The following GINS4 variants were observed in gnomAD, a reference collection of about 807,000 sequenced individuals.
GINS4 encodes DNA replication complex GINS protein SLD5.
In GINS4, 20 loss-of-function variants were observed where a neutral mutation model predicts 31.1. The observed-to-expected ratio is 0.64, with a 90% CI of 0.45 to 0.93. The LOEUF is 0.93. Ranked by LOEUF, GINS4 falls within the 40% of genes least tolerant of loss-of-function variation. The pLI is 0.00. For synonymous variants in GINS4, 85 were observed against 97.9 expected (o/e 0.87, Z 0.78); for missense variants, 245 against 273.9 (o/e 0.89, Z 0.75).
At chr8:41,530,553 G>A (rs1806634258) in intron 2 of GINS4, among the ~76,000 whole-genome samples, 1 of 152,198 alleles carries the variant, frequency 6.6e-6, no homozygotes, top group South Asian at 2.1e-4. Flanking sequence ...AGTTCACAGA[G>A]CAAGGATCCA....
intron 2 of GINS4, among the ~76,000 whole-genome samples, chr8:41,532,416 C>T (rs531200297): frequency 1.4e-4 from 21 of 152,278 alleles, no homozygotes; most frequent in Admixed American, 3.9e-4. Flanking sequence ...AGCAGCTGAG[C>T]GCAGTGGCTC....
chr8:41,537,554 G>C, intron 4 of GINS4: 3 of 382,206 alleles, frequency 7.8e-6, no homozygotes, highest in Non-Finnish European at 1.4e-5. Context: ...TCCCCCTTGC[G>C]TTACAGCATG....
chr8:41,534,525 C>T (rs1806707934), intron 2 of GINS4: 1 of 177,724 alleles, frequency 5.6e-6, no homozygotes, highest in Admixed American at 5.8e-5. Context: ...ATGTTTTATA[C>T]TTTATTGTCA....
At chr8:41,531,637 G>A (rs1453559468) in intron 2 of GINS4, among the ~76,000 whole-genome samples, 1 of 152,154 alleles carries the variant, frequency 6.6e-6, no homozygotes, top group Non-Finnish European at 1.5e-5. Flanking sequence ...GGTAGAAACT[G>A]TGGTCTTTCA....
Position 41,542,113 on chromosome 8 carries a change from G to A in GINS4, c.*26G>A. 6.4e-7 allele frequency: 1 copy of A among 1,560,076 alleles called. No homozygotes were observed. The highest frequency in any genetic ancestry group is 1.1e-5 in the South Asian group (1 of 90,026). ...AACTAGGCATAAACAGCCAGGCATG[G>A]TGACTCAAGCCTGTAATCCCAGCAC... On this transcript the variant is annotated 3_prime_UTR_variant, in exon 8 of 8. Coordinates refer to ENST00000276533, the MANE Select transcript of GINS4 (RefSeq NM_032336.3).
chr8:41,540,752 C>T (rs187061334), intron 6 of GINS4, among the ~76,000 whole-genome samples: 45 of 152,362 alleles, frequency 3.0e-4, no homozygotes, highest in South Asian at 1.4e-3. Context: ...AGCTCCAGTA[C>T]ACCCGAGCCC....
Position 41,530,441 on chromosome 8 carries a change from C to A in GINS4, c.96+143C>A, listed in dbSNP as rs146446707. 4.8e-6 allele frequency: 3 copies of A among 619,382 alleles called. No homozygotes were observed. The East Asian group carries it at 8.4e-5, about 17-fold the overall frequency. 38.4% of individuals were successfully genotyped at this position (619,382 alleles called of 1,614,324 possible). A position where few individuals can be genotyped will look rare whatever the true frequency, so the allele number is the denominator to read the frequency against. On this transcript the variant is annotated intron_variant, in intron 2 of 7. Coordinates refer to ENST00000276533, the MANE Select transcript of GINS4 (RefSeq NM_032336.3). ...CTGGATCTTACCATCTACATGGAAA[C>A]GGGAAGCAAGAAGGACATCCTCTGT...
chr8:41,538,765 C>T (rs1384015034), intron 4 of GINS4, among the ~76,000 whole-genome samples: 2 of 151,948 alleles, frequency 1.3e-5, no homozygotes, highest in East Asian at 3.9e-4. Context: ...AGTGCAGTGG[C>T]GCGATCTCAG....
chr8:41,538,781 T>G (rs1305519230), intron 4 of GINS4, among the ~76,000 whole-genome samples: 1 of 151,982 alleles, frequency 6.6e-6, no homozygotes, highest in Non-Finnish European at 1.5e-5. Context: ...CTCAGCTCAC[T>G]GCAACCTTCG....
At chr8:41,538,791 G>A (rs186199424) in intron 4 of GINS4, among the ~76,000 whole-genome samples, 333 of 151,666 alleles carry the variant, frequency 2.2e-3, no homozygotes, top group Non-Finnish European at 3.7e-3. Context: ...TGCAACCTTC[G>A]CCCCCCAGGT....
intron 4 of GINS4, among the ~76,000 whole-genome samples, chr8:41,538,769 A>T (rs1366198415): frequency 2.0e-5 from 3 of 151,674 alleles, no homozygotes; most frequent in African/African-American, 7.3e-5. Context: ...CAGTGGCGCG[A>T]TCTCAGCTCA....
At chr8:41,539,098 T>C (rs1285440491) in intron 4 of GINS4, among the ~76,000 whole-genome samples, 2 of 151,176 alleles carry the variant, frequency 1.3e-5, no homozygotes, top group Non-Finnish European at 3.0e-5. Flanking sequence ...GGCAGGTGGA[T>C]CACCTGAGGT....
At position 41,544,315 on chromosome 8, in the gene GINS4, CCA is replaced by C. The variant is rs1468266283; in HGVS notation, c.*2231_*2232del. 6.6e-6 allele frequency: 1 copy of C among 152,220 alleles called. No individual in the cohort carries two copies. The highest frequency in any genetic ancestry group is 2.4e-5 in the African/African-American group (1 of 41,450). The allele number at this position is 152,220 out of a possible 1,614,324, so 9.4% of individuals were successfully genotyped here. A position where few individuals can be genotyped will look rare whatever the true frequency, so the allele number is the denominator to read the frequency against. ...GTTAATAAGGATCCCATTTGGTCCC[CCA>C]CAGTCCTGAGAAGCGGGCAGGGCTG... On this transcript the variant is annotated 3_prime_UTR_variant, in exon 8 of 8. Coordinates refer to ENST00000276533, the MANE Select transcript of GINS4 (RefSeq NM_032336.3).
chr8:41,539,402 G>C (rs905005056), intron 4 of GINS4, among the ~76,000 whole-genome samples: 3 of 149,802 alleles, frequency 2.0e-5, no homozygotes, highest in Non-Finnish European at 4.4e-5. Flanking sequence ...CTTCCCTACA[G>C]TTTGACATCT....
At position 41,537,396 on chromosome 8, in the gene GINS4, C is replaced by G. The variant is rs1806761052; in HGVS notation, c.297+103C>G. ...GCTGGGGCCCAGGAGGGTCCAGGAC[C>G]TGAAGATGCTGCTAAGAGCCCAATA... On this transcript the variant is annotated intron_variant, in intron 4 of 7. Transcript: ENST00000276533. The G allele has an allele frequency of 1.4e-5, 10 of 729,924 alleles. No individual in the cohort carries two copies. In the South Asian group the frequency reaches 1.7e-4, roughly 12 times the overall value. The allele number at this position is 729,924 out of a possible 1,614,324, so 45.2% of individuals were successfully genotyped here.
At chr8:41,533,958 C>T (rs554527058) in intron 2 of GINS4, among the ~76,000 whole-genome samples, 3 of 152,226 alleles carry the variant, frequency 2.0e-5, no homozygotes, top group Admixed American at 2.0e-4. Context: ...GGATTAGGGG[C>T]CATCCTAATG....
At position 41,543,621 on chromosome 8, in the gene GINS4, G is replaced by GC. The variant is rs1171788861; in HGVS notation, c.*1535dup. ...GGTTGAAGTTGGCAGATTTCCATTTGCAGGGTATGGGCTGCGAGAGTAATC... is the reference window on the plus strand; with the variant it reads ...GGTTGAAGTTGGCAGATTTCCATTTGCCAGGGTATGGGCTGCGAGAGTAATC... On this transcript the variant is annotated 3_prime_UTR_variant, in exon 8 of 8. Transcript: ENST00000276533. 6.6e-6 allele frequency: 1 copy of GC among 152,154 alleles called. No individual in the cohort carries two copies. The highest frequency in any genetic ancestry group is 2.4e-5 in the African/African-American group (1 of 41,432). The allele number at this position is 152,154 out of a possible 1,614,324, so 9.4% of individuals were successfully genotyped here.
At chr8:41,535,739 G>T (rs573627598) in intron 2 of GINS4, among the ~76,000 whole-genome samples, 2 of 152,160 alleles carry the variant, frequency 1.3e-5, no homozygotes, top group Non-Finnish European at 2.9e-5. Flanking sequence ...GAACCAAACA[G>T]CTGGGCCTGA....
At chr8:41,533,933 G>C (rs1166565732) in intron 2 of GINS4, among the ~76,000 whole-genome samples, 3 of 151,960 alleles carry the variant, frequency 2.0e-5, no homozygotes, top group Admixed American at 6.6e-5. Context: ...CCCTTATCAG[G>C]GCACCAGTCT....
Sources: gnomAD v4.1 joint callset for allele counts (sites outside exome capture counted in the v4.1 genomes callset) on GRCh38, gnomAD v4.1.1 for gene constraint, MANE v1.5 for transcripts, NCBI Gene and HGNC (gene_info 2026-07-23, HGNC 2026-07-21) for gene names.